The following FGF14 variants were observed in gnomAD, a reference collection of about 807,000 sequenced individuals.
FGF14 encodes the protein fibroblast growth factor homologous factor 4.
Under a neutral mutation model 25.5 loss-of-function variants are expected in FGF14, and 5 were observed. The observed-to-expected ratio is 0.20, with a 90% CI of 0.10 to 0.41. FGF14 has a LOEUF of 0.41. Among genes scored for constraint, FGF14 ranks in the 10% least tolerant of loss-of-function variants. The pLI is 1.00. For synonymous variants in FGF14, 138 were observed against 118.3 expected (o/e 1.17, Z -1.08); for missense variants, 222 against 320.1 (o/e 0.69, Z 2.34).
intron 1 of FGF14, among the ~76,000 whole-genome samples, chr13:102,162,678 AG>A (rs1182419302): frequency 6.6e-6 from 1 of 152,184 alleles, no homozygotes; most frequent in African/African-American, 2.4e-5. Context: ...ATGTGTTGAG[AG>A]TGAAATTTGG....
intron 1 of FGF14, among the ~76,000 whole-genome samples, chr13:102,026,949 G>T (rs556068798): frequency 4.3e-4 from 66 of 152,008 alleles, no homozygotes; most frequent in African/African-American, 1.4e-3. Flanking sequence ...CTGTTAATAG[G>T]TTGACAATTT....
intron 1 of FGF14, among the ~76,000 whole-genome samples, chr13:102,109,848 G>A (rs959815065): frequency 6.6e-6 from 1 of 152,116 alleles, no homozygotes; most frequent in Admixed American, 6.5e-5. Context: ...TCGAACTCCC[G>A]ACCTCAGGTG....
At chr13:102,128,820 T>A (rs886456296) in intron 1 of FGF14, among the ~76,000 whole-genome samples, 7 of 152,204 alleles carry the variant, frequency 4.6e-5, no homozygotes, top group Non-Finnish European at 8.8e-5. Flanking sequence ...AGGTGACTCA[T>A]GCATGTAATC....
chr13:101,890,925 C>CT (rs373528994), intron 1 of FGF14, among the ~76,000 whole-genome samples: 326 of 149,074 alleles, frequency 2.2e-3, no homozygotes, highest in African/African-American at 7.3e-3. Context: ...TTTCAAGAGC[C>CT]TTTTTTTTTT....
intron 3 of FGF14, among the ~76,000 whole-genome samples, chr13:101,760,118 T>C (rs1257304387): frequency 6.6e-6 from 1 of 152,094 alleles, no homozygotes; most frequent in African/African-American, 2.4e-5. Flanking sequence ...TCATACAACA[T>C]AGGGTAACAA....
chr13:101,816,041 C>T (rs1441652437), intron 3 of FGF14, among the ~76,000 whole-genome samples: 2 of 151,662 alleles, frequency 1.3e-5, no homozygotes, highest in African/African-American at 4.9e-5. Context: ...GAGGCCGAGA[C>T]GGGCGGATCA....
Position 101,717,610 on chromosome 13 carries a change from T to G in FGF14, c.*5221A>C, listed in dbSNP as rs1315937961. ...CTCTATCACGGCGCTTATCCTCCTA[T>G]TAAGGATCAGAAAGTTAAACTTTAC... is the stretch of plus-strand genomic sequence containing the variant. On this transcript the variant is annotated 3_prime_UTR_variant, in exon 5 of 5. Coordinates refer to ENST00000376143, the MANE Select transcript of FGF14 (RefSeq NM_004115.4). The G allele has an allele frequency of 6.6e-6, 1 of 152,156 alleles. No individual in the cohort carries two copies. Among genetic ancestry groups the G allele is most frequent in the Non-Finnish European group, 1.5e-5 (1 of 68,020 alleles). 9.4% of individuals were successfully genotyped at this position (152,156 alleles called of 1,614,324 possible). A position where few individuals can be genotyped will look rare whatever the true frequency, so the allele number is the denominator to read the frequency against.
chr13:101,927,247 T>A (rs901001217), intron 1 of FGF14, among the ~76,000 whole-genome samples: 1 of 152,210 alleles, frequency 6.6e-6, no homozygotes, highest in Non-Finnish European at 1.5e-5. Context: ...TTGTTTTATA[T>A]GTATTGTATA....
intron 3 of FGF14, among the ~76,000 whole-genome samples, chr13:101,812,466 A>G (rs940742561): frequency 2.0e-5 from 3 of 151,460 alleles, no homozygotes; most frequent in Non-Finnish European, 2.9e-5. Context: ...TTTGTTATCC[A>G]TAAACTTTAT....
At chr13:101,770,486 A>G (rs2038702447) in intron 3 of FGF14, among the ~76,000 whole-genome samples, 1 of 152,172 alleles carries the variant, frequency 6.6e-6, no homozygotes, top group South Asian at 2.1e-4. Context: ...GCACTAAAAA[A>G]GAATAGCCTG....
rs1336190205 is a variant in FGF14 at position 101,719,273 on chromosome 13, G to C, written c.*3558C>G. On this transcript the variant is annotated 3_prime_UTR_variant, in exon 5 of 5. Coordinates refer to ENST00000376143, the MANE Select transcript of FGF14 (RefSeq NM_004115.4). ...AAAATAACAACTTTTAGTGCTTAAA[G>C]CATTAATTAAGCAAGTGGCTAGGTA... 5 of 152,018 alleles carry C rather than the reference G, an allele frequency of 3.3e-5. No homozygotes were observed. The highest frequency in any genetic ancestry group is 7.4e-5 in the Non-Finnish European group (5 of 67,998). 9.4% of individuals were successfully genotyped at this position (152,018 alleles called of 1,614,324 possible).
At chr13:102,392,656 A>C (rs1389201061) in intron 1 of FGF14, among the ~76,000 whole-genome samples, 1 of 152,206 alleles carries the variant, frequency 6.6e-6, no homozygotes, top group African/African-American at 2.4e-5. Flanking sequence ...AATGGCCAGA[A>C]GACTAGCTCA....
rs2035855377 is a variant in FGF14 at position 101,732,230 on chromosome 13, T to C, written c.409-5420A>G. On this transcript the variant is annotated intron_variant, in intron 3 of 4. Coordinates refer to ENST00000376143, the MANE Select transcript of FGF14 (RefSeq NM_004115.4). ...ACTCCACTTAGTTACTATGTCACCT[T>C]GGTGTTATCTAAGACTAAATGAAAA... Among the ~76,000 whole-genome samples, 5 of 152,222 alleles carry C rather than the reference T, an allele frequency of 3.3e-5. 1 individual carries two copies. Among genetic ancestry groups the C allele is most frequent in the Non-Finnish European group, 7.3e-5 (5 of 68,040 alleles).
chr13:101,750,981 C>G (rs942605859), intron 3 of FGF14, among the ~76,000 whole-genome samples: 1 of 151,892 alleles, frequency 6.6e-6, no homozygotes, highest in African/African-American at 2.4e-5. Flanking sequence ...CTGGAAAAGG[C>G]AGAACGGAGA....
intron 1 of FGF14, among the ~76,000 whole-genome samples, chr13:102,111,205 G>T (rs2045207503): frequency 6.6e-6 from 1 of 152,088 alleles, no homozygotes; most frequent in Admixed American, 6.5e-5. Context: ...ACATGAAACG[G>T]AATATCCCCT....
intron 1 of FGF14, among the ~76,000 whole-genome samples, chr13:102,207,636 A>ATT (rs1438149113): frequency 6.6e-5 from 10 of 151,186 alleles, no homozygotes; most frequent in African/African-American, 2.2e-4. Context: ...AAAAAAAAAA[A>ATT]AAAAAAAAAA....
chr13:102,211,084 T>G (rs2050138150), intron 1 of FGF14, among the ~76,000 whole-genome samples: 1 of 152,146 alleles, frequency 6.6e-6, no homozygotes, highest in African/African-American at 2.4e-5. Context: ...TCTATCTCTC[T>G]GCTTAAAGAC....
chr13:101,821,380 C>T (rs1012986458), intron 3 of FGF14, among the ~76,000 whole-genome samples: 1 of 152,148 alleles, frequency 6.6e-6, no homozygotes, highest in Non-Finnish European at 1.5e-5. Flanking sequence ...TAGTGTGTTA[C>T]TTTCACTGCT....
intron 3 of FGF14, among the ~76,000 whole-genome samples, chr13:101,806,236 G>A (rs899447055): frequency 3.3e-5 from 5 of 151,614 alleles, no homozygotes; most frequent in Non-Finnish European, 5.9e-5. Context: ...CCTGGCCAAC[G>A]TGATGAAACC....
Sources: gnomAD v4.1 joint callset for allele counts (sites outside exome capture counted in the v4.1 genomes callset) on GRCh38, gnomAD v4.1.1 for gene constraint, MANE v1.5 for transcripts, NCBI Gene and HGNC (gene_info 2026-07-23, HGNC 2026-07-21) for gene names.